TAAR2: variants seen among roughly 807,000 people sequenced by gnomAD.
TAAR2 encodes trace amine-associated receptor 2.
A neutral mutation model predicts 25.5 loss-of-function variants in TAAR2; 30 were observed. The ratio of observed to expected loss-of-function variants is 1.18; its 90% CI spans 0.88 to 1.60. The LOEUF (loss-of-function observed/expected upper bound fraction) is 1.60. Ranked by LOEUF, TAAR2 falls within the 40% of genes most tolerant of loss-of-function variation. The probability of loss-of-function intolerance (pLI) is 0.00; values close to 1 mark genes in which losing one functional copy is unlikely to be tolerated. For missense variants in TAAR2, 481 were observed against 416.5 expected, an observed-to-expected ratio of 1.15 and a Z score of -1.35; for synonymous variants, 150 against 142.4, an observed-to-expected ratio of 1.05 and a Z score of -0.38.
At chr6:132,619,416 T>C (rs1436895910) in intron 1 of TAAR2, among the ~76,000 whole-genome samples, 1 of 152,212 alleles carries the variant, frequency 6.6e-6, no homozygotes. Flanking sequence ...AAAGCATAAC[T>C]CTTAATATTG....
chr6:132,620,913 G>C (rs201613809), intron 1 of TAAR2, among the ~76,000 whole-genome samples: 1 of 64,234 alleles, frequency 1.6e-5, no homozygotes, highest in South Asian at 5.5e-4. Context: ...GAAAAAAGAA[G>C]AGAAGCGAGA....
intron 1 of TAAR2, among the ~76,000 whole-genome samples, chr6:132,619,684 CCT>C (rs1413060553): frequency 1.3e-5 from 2 of 152,160 alleles, no homozygotes; most frequent in Non-Finnish European, 2.9e-5. Flanking sequence ...TGATTCTGCA[CCT>C]CAGATGAAAG....
At chr6:132,620,327 G>T (rs76253031) in intron 1 of TAAR2, among the ~76,000 whole-genome samples, 301 of 152,298 alleles carry the variant, frequency 2.0e-3, no homozygotes, top group African/African-American at 7.0e-3. Flanking sequence ...CCACCTGGGT[G>T]ATTGCATACC....
chr6:132,617,613 G>A lies in TAAR2; in HGVS notation c.593C>T (p.Ser198Phe). 1 of 1,613,976 alleles carries A rather than the reference G, an allele frequency of 6.2e-7. No individual in the cohort carries two copies. Among genetic ancestry groups the A allele is most frequent in the Non-Finnish European group, 8.5e-7 (1 of 1,179,976 alleles). The change falls in exon 2 of 2, where the codon TCC (serine) becomes TTC (phenylalanine). Residue 198 changes from serine (S) to phenylalanine (F), a missense_variant. Ser to Phe is a radical substitution (Grantham distance 155, BLOSUM62 -2). Transcript: ENST00000367931. ...GTTGAACATCACTGGGCAGGAACTG[G>A]AACAAGCAACCAAGATGTCATAGCC... Reference protein sequence around the residue: ...IEGYDILVACSSSCPVMFNKL... With the variant: ...IEGYDILVACFSSCPVMFNKL...
intron 1 of TAAR2, among the ~76,000 whole-genome samples, chr6:132,620,353 T>C (rs555818780): frequency 6.6e-6 from 1 of 152,318 alleles, no homozygotes; most frequent in East Asian, 1.9e-4. Context: ...ATAGAAACAC[T>C]ACCAAACTGC....
Position 132,617,543 on chromosome 6 carries a change from A to T in TAAR2, c.663T>A (p.Pro221=). The change falls in exon 2 of 2, where the codon CCT becomes CCA. Residue 221 remains proline, a synonymous_variant. Transcript: ENST00000367931. The stretch of plus-strand genomic sequence containing the variant: ...CATAAATCCCCACCATCATAGACCC[A>T]GGAGTGAAGAAACCTGCCATAAACA... The part of the protein sequence containing the change: ...TTLFMAGFFT[P]GSMMVGIYGK... 6.2e-7 allele frequency: 1 copy of T among 1,614,010 alleles called. No individual in the cohort carries two copies. Among genetic ancestry groups the T allele is most frequent in the Non-Finnish European group, 8.5e-7 (1 of 1,179,972 alleles).
chr6:132,617,501 T>G lies in TAAR2; in HGVS notation c.705A>C (p.Val235=), dbSNP rs774026121. Residue 235 remains valine (V), a synonymous_variant, in exon 2 of 2, where the codon GTA becomes GTC. Transcript: ENST00000367931. ...MVGIYGKIFA[V]SRKHAHAINN... ...TGATGGCATGAGCATGTTTTCTGGA[T>G]ACTGCAAAAATTTTGCCATAAATCC... 5.1e-5 allele frequency: 83 copies of G among 1,614,042 alleles called. No homozygotes were observed. The highest frequency in any genetic ancestry group is 6.6e-5 in the Non-Finnish European group (78 of 1,179,976).
chr6:132,622,148 C>G (rs1001623908), intron 1 of TAAR2, among the ~76,000 whole-genome samples: 1 of 151,658 alleles, frequency 6.6e-6, no homozygotes, highest in Admixed American at 6.6e-5. Flanking sequence ...GAAGCTCAGA[C>G]ACAAAAAAAT....
intron 1 of TAAR2, among the ~76,000 whole-genome samples, chr6:132,623,184 A>T (rs1777398422): frequency 6.6e-6 from 1 of 152,226 alleles, no homozygotes; most frequent in Non-Finnish European, 1.5e-5. Flanking sequence ...TAAGACAGTT[A>T]TAAATACTTA....
Position 132,621,277 on chromosome 6 carries a change from G to C in TAAR2, c.60+2939C>G, listed in dbSNP as rs182967443. On this transcript the variant is annotated intron_variant, in intron 1 of 1. Coordinates refer to ENST00000367931, the MANE Select transcript of TAAR2 (RefSeq NM_001033080.1). ...TTCTTTTTCTTTTACTTTAAGTTCT[G>C]GGATACATGTACAGAACGTGCAGGT... Among the ~76,000 whole-genome samples the C allele has an allele frequency of 3.1e-3, 477 of 151,702 alleles. 3 individuals carry two copies. Among genetic ancestry groups the C allele is most frequent in the African/African-American group, 0.011 (443 of 41,348 alleles).
chr6:132,620,261 G>A (rs533173622), intron 1 of TAAR2, among the ~76,000 whole-genome samples: 2 of 152,312 alleles, frequency 1.3e-5, no homozygotes, highest in South Asian at 4.1e-4. Flanking sequence ...GAGAACTAAT[G>A]GCCTGGTGTA....
In TAAR2 at chr6:132,618,083, AC is replaced by A; in HGVS notation, c.122del (p.Gly41ValfsTer24). On this transcript the variant is annotated frameshift_variant, in exon 2 of 2. Transcript: ENST00000367931. LOFTEE classifies it high-confidence loss of function. ...TAAATGAATACATAGCCACTCGGACACCCAGAGATCTTTCATTTTCTGGGCA... is the reference window on the plus strand; with the variant it reads ...TAAATGAATACATAGCCACTCGGACACCAGAGATCTTTCATTTTCTGGGCA... ...RSCPENERSL[G>X]VRVAMYSFMA... 1 of 1,613,120 alleles carries A rather than the reference AC, an allele frequency of 6.2e-7. No individual in the cohort carries two copies. The highest frequency in any genetic ancestry group is 8.5e-7 in the Non-Finnish European group (1 of 1,179,580).
chr6:132,622,336 ATTTTTTCT>A (rs1210104407), intron 1 of TAAR2, among the ~76,000 whole-genome samples: 1 of 150,594 alleles, frequency 6.6e-6, no homozygotes, highest in Non-Finnish European at 1.5e-5. Context: ...TATTATTATT[ATTTTTTCT>A]TTTTTTAAGG....
In TAAR2 at chr6:132,617,560, C is replaced by A; in HGVS notation, c.646G>T (p.Ala216Ser). 6.2e-7 allele frequency: 1 copy of A among 1,613,982 alleles called. No individual in the cohort carries two copies. Residue 216 changes from alanine (A) to serine (S), a missense_variant, in exon 2 of 2, where the codon GCA (alanine) becomes TCA (serine). Transcript: ENST00000367931. ...ATAGACCCAGGAGTGAAGAAACCTG[C>A]CATAAACAAGGTGGTCCCCCATAGC... is the stretch of plus-strand genomic sequence containing the variant. ...NKLWGTTLFM[A>S]GFFTPGSMMV... is the part of the protein sequence containing the mutation.
chr6:132,617,906 AC>A lies in TAAR2; in HGVS notation c.299del (p.Ser100IlefsTer2). 6.2e-7 allele frequency: 1 copy of A among 1,614,064 alleles called. No individual in the cohort carries two copies. Among genetic ancestry groups the A allele is most frequent in the Non-Finnish European group, 8.5e-7 (1 of 1,179,980 alleles). ...AGCAGTTCTCCACCGATCTGATCAT[AC>A]TATATGGCATGATGGTGAATCCCAG... ...FLLGFTIMPY[S>X]MIRSVENCWY... On this transcript the variant is annotated frameshift_variant, in exon 2 of 2. Coordinates refer to ENST00000367931, the MANE Select transcript of TAAR2 (RefSeq NM_001033080.1). LOFTEE classifies it high-confidence loss of function.
chr6:132,623,469 C>T (rs1001028470), intron 1 of TAAR2, among the ~76,000 whole-genome samples: 5 of 152,158 alleles, frequency 3.3e-5, no homozygotes, highest in Admixed American at 3.3e-4. Flanking sequence ...ATCAGGATGG[C>T]AATTTACTTC....
chr6:132,624,256 T>C lies in TAAR2; in HGVS notation c.20A>G (p.Gln7Arg). The C allele has an allele frequency of 6.2e-7, 1 of 1,613,560 alleles. No individual in the cohort carries two copies. The highest frequency in any genetic ancestry group is 8.5e-7 in the Non-Finnish European group (1 of 1,179,682). Residue 7 changes from glutamine to arginine, a missense_variant, in exon 1 of 2, where the codon CAA (glutamine) becomes CGA (arginine). Coordinates refer to ENST00000367931, the MANE Select transcript of TAAR2 (RefSeq NM_001033080.1). Reference sequence around the variant, plus strand: ...TCTTTTGAAATGTGAAAGTTCATGTTGCTCTGATGAGACAGCCATGGGAGG... The same window carrying C: ...TCTTTTGAAATGTGAAAGTTCATGTCGCTCTGATGAGACAGCCATGGGAGG... The part of the protein sequence containing the change: MAVSSE[Q>R]HELSHFKRTQ...
Position 132,617,271 on chromosome 6 carries a change from G to T in TAAR2, c.935C>A (p.Pro312Gln). 1 of 1,613,628 alleles carries T rather than the reference G, an allele frequency of 6.2e-7. No individual in the cohort carries two copies. The highest frequency in any genetic ancestry group is 2.2e-5 in the East Asian group (1 of 44,718). Residue 312 changes from proline to glutamine, a missense_variant, in exon 2 of 2, where the codon CCG becomes CAG. Transcript: ENST00000367931. ...WFGYFNSTCNPLIYGFFYPWF... is the reference protein window; with the variant it reads ...WFGYFNSTCNQLIYGFFYPWF... ...GGGATAGAAGAAACCATATATTAAC[G>T]GATTACATGTGGAGTTAAAATAGCC...
chr6:132,624,058 T>A (rs552518751), intron 1 of TAAR2, among the ~76,000 whole-genome samples, 158 bp downstream of exon 1: 33 of 152,356 alleles, frequency 2.2e-4, no homozygotes, highest in African/African-American at 7.9e-4. Context: ...TCCTCATTTT[T>A]TCTTTGATAA....
Sources: gnomAD v4.1 joint callset for allele counts (sites outside exome capture counted in the v4.1 genomes callset) on GRCh38, gnomAD v4.1.1 for gene constraint, MANE v1.5 for transcripts, NCBI Gene and HGNC (gene_info 2026-07-23, HGNC 2026-07-21) for gene names.